PDE8B: variants seen among roughly 807,000 people sequenced by gnomAD.
PDE8B encodes the protein high affinity cAMP-specific and IBMX-insensitive 3',5'-cyclic phosphodiesterase 8B.
A neutral mutation model predicts 101.3 loss-of-function variants in PDE8B; 26 were observed. That is an observed-to-expected ratio of 0.26 (90% CI 0.19 to 0.36). The LOEUF (loss-of-function observed/expected upper bound fraction) is 0.36. Among genes scored for constraint, PDE8B ranks in the 10% least tolerant of loss-of-function variants. The pLI is 1.00. For missense variants in PDE8B, 810 were observed against 1,163.1 expected (o/e 0.70, Z 4.42); for synonymous variants, 424 against 429.3 (o/e 0.99, Z 0.15).
At chr5:77,090,555 G>A in the PDE8B span, among the ~76,000 whole-genome samples, 1 of 152,198 alleles carries the variant, frequency 6.6e-6, no homozygotes, top group Non-Finnish European at 1.5e-5. Flanking sequence ...TTACAGGCGT[G>A]AGCCACCGCA....
intron 8 of PDE8B, among the ~76,000 whole-genome samples, chr5:77,350,802 A>G (rs545371348): frequency 1.3e-5 from 2 of 152,358 alleles, no homozygotes; most frequent in South Asian, 4.1e-4. Flanking sequence ...CACAGCAGCC[A>G]TAGGGCTGAG....
At chr5:77,293,277 A>G (rs1767785081) in intron 1 of PDE8B, among the ~76,000 whole-genome samples, 1 of 152,214 alleles carries the variant, frequency 6.6e-6, no homozygotes. Context: ...TATTATTGTC[A>G]CAACTGGCAG....
chr5:77,287,437 T>C (rs1053242879), intron 1 of PDE8B, among the ~76,000 whole-genome samples: 3 of 152,080 alleles, frequency 2.0e-5, no homozygotes, highest in Non-Finnish European at 2.9e-5. Flanking sequence ...TATTTTTTTT[T>C]CTTCATATTT....
intron 10 of PDE8B, among the ~76,000 whole-genome samples, chr5:77,386,662 A>G (rs1233739821): frequency 1.3e-5 from 2 of 152,058 alleles, no homozygotes; most frequent in Non-Finnish European, 2.9e-5. Context: ...TTTTGAGCCT[A>G]TGTGTGTCTT....
At chr5:77,248,978 C>G (rs1757525025) in intron 1 of PDE8B, among the ~76,000 whole-genome samples, 1 of 152,200 alleles carries the variant, frequency 6.6e-6, no homozygotes, top group Non-Finnish European at 1.5e-5. Flanking sequence ...CCCTGCCAGA[C>G]CTTGACCTTG....
chr5:77,373,721 T>C (rs964544228), intron 10 of PDE8B, among the ~76,000 whole-genome samples: 1 of 152,376 alleles, frequency 6.6e-6, no homozygotes, highest in Admixed American at 6.5e-5. Flanking sequence ...TACCATACAA[T>C]GTATCCATTT....
At chr5:77,102,420 T>C in the PDE8B span, among the ~76,000 whole-genome samples, 6 of 152,188 alleles carry the variant, frequency 3.9e-5, no homozygotes, top group Non-Finnish European at 8.8e-5. Flanking sequence ...TTAGTTTGGT[T>C]TTGTTTTTCA....
chr5:77,360,960 G>C (rs1383888143), intron 10 of PDE8B, among the ~76,000 whole-genome samples: 5 of 152,068 alleles, frequency 3.3e-5, no homozygotes, highest in African/African-American at 9.7e-5. Context: ...TAATTTTCTG[G>C]TATTTTGTGA....
At chr5:77,355,363 C>G (rs1354561647) in intron 10 of PDE8B, among the ~76,000 whole-genome samples, 1 of 152,214 alleles carries the variant, frequency 6.6e-6, no homozygotes, top group African/African-American at 2.4e-5. Context: ...ATACCTCTGG[C>G]TAACTACAGT....
the PDE8B span, among the ~76,000 whole-genome samples, chr5:77,198,511 C>T: frequency 7.9e-5 from 12 of 152,196 alleles, no homozygotes; most frequent in Admixed American, 5.9e-4. Flanking sequence ...CTTCTCACAT[C>T]GGTGAAACCA....
the PDE8B span, among the ~76,000 whole-genome samples, chr5:77,197,746 C>T: frequency 1.3e-5 from 2 of 152,132 alleles, no homozygotes; most frequent in Non-Finnish European, 1.5e-5. Context: ...TTTGAGTTCA[C>T]TGATCTTTTC....
intron 1 of PDE8B, among the ~76,000 whole-genome samples, chr5:77,282,510 G>A (rs771048152): frequency 1.3e-5 from 2 of 152,124 alleles, no homozygotes; most frequent in Non-Finnish European, 2.9e-5. Flanking sequence ...ATTCCTGGCT[G>A]GAAGTCAGAC....
At chr5:77,150,466 C>G in the PDE8B span, among the ~76,000 whole-genome samples, 7 of 152,292 alleles carry the variant, frequency 4.6e-5, no homozygotes, top group African/African-American at 1.7e-4. Context: ...GACTACTTCC[C>G]TCTAAATGAT....
chr5:77,242,785 CCT>C (rs1756034407), intron 1 of PDE8B, among the ~76,000 whole-genome samples: 1 of 152,162 alleles, frequency 6.6e-6, no homozygotes, highest in Non-Finnish European at 1.5e-5. Flanking sequence ...CATTCTCCTG[CCT>C]CAGCCTGTAG....
At chr5:77,104,883 C>T in the PDE8B span, 1 of 152,098 alleles carries the variant, frequency 6.6e-6, no homozygotes, top group Non-Finnish European at 1.5e-5. Flanking sequence ...ATGTATACAA[C>T]CATGTAAACA....
At chr5:77,403,696 C>T (rs1360595586) in intron 11 of PDE8B, among the ~76,000 whole-genome samples, 3 of 151,868 alleles carry the variant, frequency 2.0e-5, no homozygotes, top group African/African-American at 2.4e-5. Context: ...ATATTTTAAG[C>T]TAGATTATTT....
At chr5:77,206,904 A>G (rs547484754), upstream of PDE8B, among the ~76,000 whole-genome samples, 1 of 152,322 alleles carries the variant, frequency 6.6e-6, no homozygotes, top group East Asian at 1.9e-4. Flanking sequence ...TGAAGCAAAA[A>G]TTTCACAGCA....
intron 20 of PDE8B, among the ~76,000 whole-genome samples, chr5:77,424,225 A>G (rs1293115937): frequency 6.7e-6 from 1 of 149,222 alleles, no homozygotes; most frequent in Non-Finnish European, 1.5e-5. Context: ...GGACCCACAG[A>G]GAGAGGACCT....
At chr5:77,364,265 G>T (rs1277806420) in intron 10 of PDE8B, among the ~76,000 whole-genome samples, 1 of 152,162 alleles carries the variant, frequency 6.6e-6, no homozygotes, top group African/African-American at 2.4e-5. Context: ...CACTTTGGAG[G>T]TATGCAGCCA....
Sources: allele counts gnomAD v4.1 joint callset (sites outside exome capture counted in the v4.1 genomes callset), GRCh38; gene constraint gnomAD v4.1.1; transcripts MANE v1.5; gene names NCBI Gene and HGNC (gene_info 2026-07-23, HGNC 2026-07-21).